WDR70: variants seen among roughly 807,000 people sequenced by gnomAD.
The protein encoded by WDR70 is WD repeat-containing protein 70.
A neutral mutation model predicts 88.6 loss-of-function variants in WDR70; 53 were observed. The ratio of observed to expected loss-of-function variants is 0.60; its 90% CI spans 0.48 to 0.75. The LOEUF (loss-of-function observed/expected upper bound fraction) is 0.75. Ranked by LOEUF, WDR70 falls within the 30% of genes least tolerant of loss-of-function variation. WDR70 has a pLI of 0.00. For missense variants in WDR70, 610 were observed against 823.2 expected, an observed-to-expected ratio of 0.74 and a Z score of 3.17; for synonymous variants, 280 against 270.0, an observed-to-expected ratio of 1.04 and a Z score of -0.36.
intron 13 of WDR70, among the ~76,000 whole-genome samples, chr5:37,715,913 A>AACACACACACACGC (rs1561087913): frequency 6.6e-6 from 1 of 151,658 alleles, no homozygotes; most frequent in African/African-American, 2.4e-5. Flanking sequence ...TGCACACACA[A>AACACACACACACGC]ACACACACAC....
chr5:37,553,838 C>T (rs1396484890), intron 9 of WDR70, among the ~76,000 whole-genome samples: 1 of 152,150 alleles, frequency 6.6e-6, no homozygotes, highest in Non-Finnish European at 1.5e-5. Context: ...TTTAATGTCT[C>T]CATGCCTCTA....
At chr5:37,649,169 G>A (rs1311954161) in intron 10 of WDR70, among the ~76,000 whole-genome samples, 2 of 152,120 alleles carry the variant, frequency 1.3e-5, no homozygotes, top group African/African-American at 4.8e-5. Context: ...GAGGAGAGAA[G>A]AAGGTTCTCA....
At chr5:37,385,475 T>C (rs1317725911) in intron 3 of WDR70, among the ~76,000 whole-genome samples, 1 of 129,850 alleles carries the variant, frequency 7.7e-6, no homozygotes, top group Admixed American at 9.6e-5. Context: ...GCTATGATCA[T>C]GCCACTGCAT....
chr5:37,538,028 TTTCATTGCTTTATCTTA>T (rs1382602878), intron 9 of WDR70, among the ~76,000 whole-genome samples: 1 of 152,170 alleles, frequency 6.6e-6, no homozygotes, highest in African/African-American at 2.4e-5. Context: ...CCACTCTGCT[TTTCATTGCTTTATCTTA>T]TTCTCTTCTA....
chr5:37,451,637 T>G (rs1738678052), intron 7 of WDR70, among the ~76,000 whole-genome samples: 1 of 152,118 alleles, frequency 6.6e-6, no homozygotes, highest in African/African-American at 2.4e-5. Context: ...AATATGTGAC[T>G]TAAGTTCAAA....
chr5:37,734,829 A>T (rs1354076595), intron 17 of WDR70, among the ~76,000 whole-genome samples: 2 of 152,118 alleles, frequency 1.3e-5, no homozygotes, highest in Non-Finnish European at 2.9e-5. Flanking sequence ...GAATTTTTCT[A>T]CTTCGATCTA....
chr5:37,687,699 C>T lies in WDR70; in HGVS notation c.1093-9956C>T, dbSNP rs180700330. On this transcript the variant is annotated intron_variant, in intron 10 of 17. Transcript: ENST00000265107. ...CAAAATCCCATATTCTCATTCCGTT[C>T]ATTATATTGTATCTACACTATCACC... Among the ~76,000 whole-genome samples, 543 of 151,956 alleles carry T rather than the reference C, an allele frequency of 3.6e-3. 9 individuals carry two copies. Among genetic ancestry groups the T allele is most frequent in the Non-Finnish European group, 3.5e-3 (240 of 67,980 alleles).
chr5:37,583,765 G>C (rs1743287952), intron 9 of WDR70, among the ~76,000 whole-genome samples: 1 of 152,148 alleles, frequency 6.6e-6, no homozygotes. Context: ...TTGTTAAAGA[G>C]AAAGGACTTC....
At chr5:37,703,583 G>A (rs1173607582) in intron 13 of WDR70, among the ~76,000 whole-genome samples, 1 of 141,634 alleles carries the variant, frequency 7.1e-6, no homozygotes, top group South Asian at 2.4e-4. Flanking sequence ...GAAGTTTAAA[G>A]CATTTCAGAT....
intron 8 of WDR70, among the ~76,000 whole-genome samples, chr5:37,485,664 T>C (rs1271696456): frequency 6.6e-6 from 1 of 151,956 alleles, no homozygotes; most frequent in Non-Finnish European, 1.5e-5. Context: ...GAACAATATA[T>C]ATTATTTATT....
At chr5:37,556,625 A>G (rs1395781932) in intron 9 of WDR70, among the ~76,000 whole-genome samples, 6 of 152,254 alleles carry the variant, frequency 3.9e-5, no homozygotes, top group Non-Finnish European at 8.8e-5. Context: ...TTTTTAATTC[A>G]TCTTATAATT....
At chr5:37,725,983 A>G (rs1747959359) in intron 16 of WDR70, among the ~76,000 whole-genome samples, 2 of 152,020 alleles carry the variant, frequency 1.3e-5, no homozygotes, top group South Asian at 4.1e-4. Flanking sequence ...ATCTTTTGAG[A>G]TTACTGTTGG....
chr5:37,586,919 C>T (rs770228635), intron 9 of WDR70, among the ~76,000 whole-genome samples: 35 of 152,194 alleles, frequency 2.3e-4, no homozygotes, highest in Non-Finnish European at 4.6e-4. Flanking sequence ...TGACACTTAA[C>T]TTGCTATTGC....
chr5:37,488,623 A>G (rs1308479919), intron 8 of WDR70, among the ~76,000 whole-genome samples: 1 of 141,416 alleles, frequency 7.1e-6, no homozygotes, highest in Admixed American at 7.2e-5. Context: ...TATTTCGTTT[A>G]TTGAATTATT....
At chr5:37,638,217 A>G (rs1428918043) in intron 10 of WDR70, among the ~76,000 whole-genome samples, 1 of 152,242 alleles carries the variant, frequency 6.6e-6, no homozygotes, top group Non-Finnish European at 1.5e-5. Flanking sequence ...TTCCATTAAA[A>G]TGAATTTATG....
rs1319400646 is a variant in WDR70, at chr5:37,573,306, G to A, written c.918-31758G>A. On this transcript the variant is annotated intron_variant, in intron 9 of 17. Transcript: ENST00000265107. The stretch of plus-strand genomic sequence containing the variant: ...CATTTCAATCAACTTATTAATATCC[G>A]TCAGTAGCTCTCATTAAACAGTAAG... Among the ~76,000 whole-genome samples, 12 of 152,044 alleles carry A rather than the reference G, an allele frequency of 7.9e-5. No homozygotes were observed. The South Asian group carries it at 1.0e-3, about 13-fold the overall frequency.
At chr5:37,506,350 C>T (rs1581346440) in intron 8 of WDR70, 5 of 869,710 alleles carry the variant, frequency 5.7e-6, no homozygotes, top group African/African-American at 3.3e-5. Flanking sequence ...CTTGCTTCTT[C>T]TAACACACCC....
At chr5:37,608,041 T>C (rs1050160408) in intron 10 of WDR70, among the ~76,000 whole-genome samples, 1 of 135,788 alleles carries the variant, frequency 7.4e-6, no homozygotes, top group African/African-American at 2.6e-5. Flanking sequence ...CAACACTCTT[T>C]TTTTTTTTTT....
chr5:37,501,019 G>A (rs1260193386), intron 8 of WDR70, among the ~76,000 whole-genome samples: 4 of 152,080 alleles, frequency 2.6e-5, no homozygotes, highest in African/African-American at 9.7e-5. Flanking sequence ...GATTACAGGC[G>A]TGAGCCACCA....
Sources: allele counts gnomAD v4.1 joint callset (sites outside exome capture counted in the v4.1 genomes callset), GRCh38; gene constraint gnomAD v4.1.1; transcripts MANE v1.5; gene names NCBI Gene and HGNC (gene_info 2026-07-23, HGNC 2026-07-21).